AOPEP: variants seen among roughly 807,000 people sequenced by gnomAD.
AOPEP encodes the protein aminopeptidase O.
In AOPEP, 77 loss-of-function variants were observed where a neutral mutation model predicts 98.1. The ratio of observed to expected loss-of-function variants is 0.78; its 90% confidence interval spans 0.65 to 0.95. The LOEUF is 0.95. AOPEP is among the 40% of genes least tolerant of loss of function. The pLI, the probability that AOPEP is intolerant of heterozygous loss-of-function variation, is 0.00. For missense variants in AOPEP, 1,024 were observed against 1,024.7 expected (o/e 1.00, Z 0.01); for synonymous variants, 346 against 365.3 (o/e 0.95, Z 0.60).
chr9:94,976,536 G>T (rs1008595062), intron 10 of AOPEP, among the ~76,000 whole-genome samples: 3 of 152,072 alleles, frequency 2.0e-5, no homozygotes, highest in African/African-American at 7.2e-5. Flanking sequence ...TCCCTTGTGG[G>T]CTCTTCCCCT....
At chr9:95,121,550 T>C in the AOPEP span, among the ~76,000 whole-genome samples, 1 of 152,196 alleles carries the variant, frequency 6.6e-6, no homozygotes, top group Non-Finnish European at 1.5e-5. Flanking sequence ...CAGAGCAACA[T>C]TGTTTGTAAT....
intron 5 of AOPEP, among the ~76,000 whole-genome samples, chr9:94,822,695 A>C (rs530868426): frequency 1.3e-5 from 2 of 152,200 alleles, no homozygotes; most frequent in Non-Finnish European, 2.9e-5. Context: ...AACCAGACAC[A>C]ACAAGCTGGA....
At chr9:94,792,083 C>G (rs909554811) in intron 3 of AOPEP, among the ~76,000 whole-genome samples, 2 of 152,358 alleles carry the variant, frequency 1.3e-5, no homozygotes, top group Middle Eastern at 3.4e-3. Context: ...AGCCCCAGCT[C>G]TAATCCTGGT....
chr9:94,896,863 A>AATTGT (rs1329996935), intron 5 of AOPEP, among the ~76,000 whole-genome samples: 2 of 150,592 alleles, frequency 1.3e-5, no homozygotes, highest in Admixed American at 1.3e-4. Context: ...AATATTGGTT[A>AATTGT]ATTGTATTAG....
chr9:94,747,461 T>C (rs1692185981), intron 1 of AOPEP, among the ~76,000 whole-genome samples: 1 of 152,220 alleles, frequency 6.6e-6, no homozygotes, highest in Non-Finnish European at 1.5e-5. Flanking sequence ...AATATGCTGG[T>C]ACTTGTACAG....
At chr9:94,789,771 C>A (rs914384828) in intron 3 of AOPEP, among the ~76,000 whole-genome samples, 1 of 152,190 alleles carries the variant, frequency 6.6e-6, no homozygotes, top group Non-Finnish European at 1.5e-5. Flanking sequence ...CAGTGATTCT[C>A]TTTGAGGCTG....
chr9:94,934,095 A>G (rs1356024313), intron 7 of AOPEP, among the ~76,000 whole-genome samples: 2 of 152,140 alleles, frequency 1.3e-5, no homozygotes, highest in African/African-American at 4.8e-5. Context: ...TTCAAGGAAG[A>G]GTCTGATAAG....
intron 10 of AOPEP, among the ~76,000 whole-genome samples, chr9:94,974,712 C>T (rs887693509): frequency 5.3e-5 from 8 of 152,284 alleles, no homozygotes; most frequent in South Asian, 2.1e-4. Flanking sequence ...AGGGGGAAGT[C>T]GGCATGGTTT....
intron 5 of AOPEP, among the ~76,000 whole-genome samples, chr9:94,874,527 A>T (rs1365677968): frequency 6.6e-6 from 1 of 152,202 alleles, no homozygotes; most frequent in Non-Finnish European, 1.5e-5. Flanking sequence ...TTCTGCTTCC[A>T]TTTGGTTTCA....
At chr9:94,795,979 A>G (rs1846835864) in intron 4 of AOPEP, among the ~76,000 whole-genome samples, 1 of 152,190 alleles carries the variant, frequency 6.6e-6, no homozygotes, top group African/African-American at 2.4e-5. Context: ...CCATTTCCAA[A>G]TGAGACAAAT....
chr9:94,731,419 G>T (rs1176423062), intron 1 of AOPEP, among the ~76,000 whole-genome samples: 1 of 152,084 alleles, frequency 6.6e-6, no homozygotes, highest in East Asian at 1.9e-4. Context: ...GTAGAGATGG[G>T]GTTTCACTGC....
intron 1 of AOPEP, among the ~76,000 whole-genome samples, chr9:94,748,395 C>T (rs895783138): frequency 6.6e-6 from 1 of 152,116 alleles, no homozygotes; most frequent in African/African-American, 2.4e-5. Context: ...CTTTATATCT[C>T]TCACCAAATT....
chr9:94,824,753 C>A (rs1854087239), intron 5 of AOPEP: 3 of 152,210 alleles, frequency 2.0e-5, no homozygotes, highest in South Asian at 4.1e-4. Context: ...AGAAAAAGAA[C>A]ATAATAAATT....
chr9:94,967,857 G>T (rs1015229289), intron 10 of AOPEP, 56 bp downstream of exon 10: 2 of 1,416,990 alleles, frequency 1.4e-6, no homozygotes, highest in African/African-American at 1.4e-5. Flanking sequence ...TGTTAAAAAT[G>T]ACATTGCCAT....
chr9:94,761,901 AT>A, intron 2 of AOPEP, among the ~76,000 whole-genome samples: 1 of 152,342 alleles, frequency 6.6e-6, no homozygotes, highest in Non-Finnish European at 1.5e-5. Context: ...AAAGATGGGA[AT>A]TTCAATACAA....
At position 94,801,280 on chromosome 9, in the gene AOPEP, G is replaced by A. The variant is rs576452237; in HGVS notation, c.1364+278G>A. On this transcript the variant is annotated intron_variant, in intron 5 of 16. Coordinates refer to ENST00000375315, the MANE Select transcript of AOPEP (RefSeq NM_001193329.3). ...GAGAATACATAGTGCCCCCTGAGTG[G>A]TGACTGTTGGATCATGGCTGATCAG... is the stretch of plus-strand genomic sequence containing the variant. Among the ~76,000 whole-genome samples the A allele has an allele frequency of 1.3e-3, 205 of 152,336 alleles. 1 individual carries two copies. The highest frequency in any genetic ancestry group is 4.7e-3 in the African/African-American group (194 of 41,576).
rs115256054 is a variant in AOPEP, at chr9:95,071,107, A to G, written c.2233-9587A>G. 4.2e-3 allele frequency among the ~76,000 whole-genome samples: 637 copies of G among 152,340 alleles called. 6 individuals are homozygous for G. Among genetic ancestry groups the G allele is most frequent in the African/African-American group, 0.014 (584 of 41,572 alleles). The stretch of plus-strand genomic sequence containing the variant: ...GGGAGAAGGAAAAACCCAAAGTAAT[A>G]TACAGGTCAAGTCTTCCTTATCCAA... On this transcript the variant is annotated intron_variant, in intron 14 of 16. Coordinates refer to ENST00000375315, the MANE Select transcript of AOPEP (RefSeq NM_001193329.3).
chr9:95,050,198 G>A (rs1587800146), intron 13 of AOPEP, among the ~76,000 whole-genome samples: 3 of 152,342 alleles, frequency 2.0e-5, no homozygotes, highest in East Asian at 1.9e-4. Flanking sequence ...CAGACTCGAT[G>A]TTGTTCGCAT....
At chr9:95,088,089 G>A (rs960239710), downstream of AOPEP, among the ~76,000 whole-genome samples, 1 of 152,212 alleles carries the variant, frequency 6.6e-6, no homozygotes, top group African/African-American at 2.4e-5. Context: ...ATAGCTGGCT[G>A]TGCCATCGTG....
Sources: gnomAD v4.1 joint callset for allele counts (sites outside exome capture counted in the v4.1 genomes callset) on GRCh38, gnomAD v4.1.1 for gene constraint, MANE v1.5 for transcripts, NCBI Gene and HGNC (gene_info 2026-07-23, HGNC 2026-07-21) for gene names.